The following UBE2R2 variants were observed in gnomAD, a reference collection of about 807,000 sequenced individuals.
UBE2R2 encodes ubiquitin conjugating enzyme E2 R2.
In UBE2R2, 1 loss-of-function variant was observed where a neutral mutation model predicts 27.8. The ratio of observed to expected loss-of-function variants is 0.04; its 90% CI spans 0.01 to 0.17. The LOEUF (loss-of-function observed/expected upper bound fraction) is 0.17, where lower values mean the gene tolerates loss of function less well. Ranked by LOEUF, UBE2R2 falls within the 10% of genes least tolerant of loss-of-function variation. The pLI is 1.00. For synonymous variants in UBE2R2, 106 were observed against 113.3 expected (o/e 0.94, Z 0.41); for missense variants, 100 against 291.0 (o/e 0.34, Z 4.78).
intron 1 of UBE2R2, among the ~76,000 whole-genome samples, chr9:33,850,483 G>C (rs964933688): frequency 6.6e-6 from 1 of 151,860 alleles, no homozygotes; most frequent in Non-Finnish European, 1.5e-5. Context: ...CAGCTGAACA[G>C]ACGAGCCTAC....
intron 1 of UBE2R2, among the ~76,000 whole-genome samples, chr9:33,883,605 A>C (rs1340082870): frequency 6.6e-6 from 1 of 151,292 alleles, no homozygotes; most frequent in Admixed American, 6.6e-5. Flanking sequence ...AGTCCCAGCT[A>C]CTCAGGAGGC....
intron 1 of UBE2R2, among the ~76,000 whole-genome samples, chr9:33,845,242 G>A (rs1464966776): frequency 6.6e-6 from 1 of 150,924 alleles, no homozygotes; most frequent in Non-Finnish European, 1.5e-5. Context: ...GGAGTGCAGT[G>A]GCACAATCTT....
At chr9:33,824,592 T>C (rs1250719898) in intron 1 of UBE2R2, among the ~76,000 whole-genome samples, 1 of 148,966 alleles carries the variant, frequency 6.7e-6, no homozygotes, top group Non-Finnish European at 1.5e-5. Context: ...TGAACTGATA[T>C]CGAGGCACTG....
intron 2 of UBE2R2, among the ~76,000 whole-genome samples, chr9:33,887,632 C>T (rs1821890045): frequency 6.6e-6 from 1 of 151,266 alleles, no homozygotes; most frequent in Non-Finnish European, 1.5e-5. Flanking sequence ...CTTCACTATT[C>T]TATAAGTGTG....
intron 1 of UBE2R2, among the ~76,000 whole-genome samples, chr9:33,845,572 G>A (rs1820826786): frequency 6.6e-6 from 1 of 151,966 alleles, no homozygotes; most frequent in African/African-American, 2.4e-5. Context: ...TTCTTTGACT[G>A]GTATAATCAA....
At chr9:33,818,946 T>C (rs1258430299) in intron 1 of UBE2R2, among the ~76,000 whole-genome samples, 1 of 152,092 alleles carries the variant, frequency 6.6e-6, no homozygotes, top group African/African-American at 2.4e-5. Context: ...CAGAATCTAA[T>C]GATTTTTTTT....
At chr9:33,831,627 G>C (rs535884881) in intron 1 of UBE2R2, among the ~76,000 whole-genome samples, 1 of 152,090 alleles carries the variant, frequency 6.6e-6, no homozygotes, top group African/African-American at 2.4e-5. Context: ...ATGTTGGCCA[G>C]GCAGGTCTCG....
intron 4 of UBE2R2, among the ~76,000 whole-genome samples, chr9:33,915,676 G>A (rs893583024): frequency 6.6e-6 from 1 of 152,140 alleles, no homozygotes; most frequent in African/African-American, 2.4e-5. Flanking sequence ...AGTATTTATT[G>A]CACACCTCTT....
intron 1 of UBE2R2, among the ~76,000 whole-genome samples, chr9:33,841,610 AGTT>A (rs1265035798): frequency 6.6e-6 from 1 of 152,096 alleles, no homozygotes; most frequent in Admixed American, 6.6e-5. Flanking sequence ...TGCTGCTGTG[AGTT>A]GTCATTGTTT....
rs185884874 is a variant in UBE2R2, at chr9:33,846,995, G to C, written c.177+29061G>C. Among the ~76,000 whole-genome samples, 420 of 109,384 alleles carry C rather than the reference G, an allele frequency of 3.8e-3. 8 individuals carry two copies. The highest frequency in any genetic ancestry group is 0.016 in the East Asian group (67 of 4,152). The allele number at this position is 109,384 out of a possible 152,430, so 71.8% of individuals were successfully genotyped here. A position where few individuals can be genotyped will look rare whatever the true frequency, so the allele number is the denominator to read the frequency against. ...ATTTGCCTGAAAACATCTTTATTTT[G>C]CTTTTTTTTTTTTTGAAGGTTTTTT... On this transcript the variant is annotated intron_variant, in intron 1 of 4. Coordinates refer to ENST00000263228, the MANE Select transcript of UBE2R2 (RefSeq NM_017811.4).
chr9:33,876,635 G>C (rs868262127), intron 1 of UBE2R2, among the ~76,000 whole-genome samples: 12 of 152,074 alleles, frequency 7.9e-5, no homozygotes, highest in African/African-American at 2.7e-4. Flanking sequence ...CAATCATAAG[G>C]CCGGGGGCGG....
intron 1 of UBE2R2, among the ~76,000 whole-genome samples, chr9:33,847,522 G>A (rs1041751104): frequency 4.6e-5 from 7 of 152,022 alleles, no homozygotes; most frequent in Non-Finnish European, 8.8e-5. Flanking sequence ...GATGTGCATG[G>A]GTGTGGTTTT....
chr9:33,871,701 CAG>C (rs1038148235), intron 1 of UBE2R2, among the ~76,000 whole-genome samples: 36 of 152,238 alleles, frequency 2.4e-4, no homozygotes, highest in African/African-American at 8.7e-4. Flanking sequence ...AGTGACGTCT[CAG>C]ATTCATTTCC....
intron 1 of UBE2R2, among the ~76,000 whole-genome samples, chr9:33,882,548 G>T (rs1821752227): frequency 6.6e-6 from 1 of 152,196 alleles, no homozygotes; most frequent in African/African-American, 2.4e-5. Context: ...CTCCAAAAGT[G>T]CTGAGATTAC....
intron 1 of UBE2R2, among the ~76,000 whole-genome samples, chr9:33,879,956 C>T (rs1821696803): frequency 6.6e-6 from 1 of 151,450 alleles, no homozygotes; most frequent in Non-Finnish European, 1.5e-5. Context: ...GGTTATGATT[C>T]ACTGCAGCCT....
chr9:33,829,792 C>A (rs945297858), intron 1 of UBE2R2, among the ~76,000 whole-genome samples: 1 of 119,334 alleles, frequency 8.4e-6, no homozygotes, highest in Non-Finnish European at 1.7e-5. Context: ...TTAGTGCAAT[C>A]GTTTTTTTTT....
chr9:33,845,250 C>CTT (rs775624392), intron 1 of UBE2R2, among the ~76,000 whole-genome samples: 14 of 140,106 alleles, frequency 1.0e-4, no homozygotes, highest in Non-Finnish European at 9.4e-5. Context: ...GTGGCACAAT[C>CTT]TTTTTTTTTT....
chr9:33,845,934 A>C (rs533617048), intron 1 of UBE2R2, among the ~76,000 whole-genome samples: 1 of 152,088 alleles, frequency 6.6e-6, no homozygotes, highest in African/African-American at 2.4e-5. Context: ...CGAGGTCAGG[A>C]GATCAAGACC....
In UBE2R2 at chr9:33,912,104, G is replaced by GT. The variant is rs148101204; in HGVS notation, c.497+17dup. On this transcript the variant is annotated splice_region_variant and intron_variant, in intron 4 of 4. Coordinates refer to ENST00000263228, the MANE Select transcript of UBE2R2 (RefSeq NM_017811.4). ...GAATATGCTGAAATTATTAGGTAAG[G>GT]TTTTTTTTTTTATTACCTCAAGTTA... 76,602 of 1,110,862 alleles carry GT rather than the reference G, an allele frequency of 0.069. 40 individuals are homozygous for GT. The highest frequency in any genetic ancestry group is 0.11 in the South Asian group (5,750 of 54,670). 68.8% of individuals were successfully genotyped at this position (1,110,862 alleles called of 1,614,324 possible). A position where few individuals can be genotyped will look rare whatever the true frequency, so the allele number is the denominator to read the frequency against.
Sources: gnomAD v4.1 joint callset for allele counts (sites outside exome capture counted in the v4.1 genomes callset) on GRCh38, gnomAD v4.1.1 for gene constraint, MANE v1.5 for transcripts, NCBI Gene and HGNC (gene_info 2026-07-23, HGNC 2026-07-21) for gene names.